The following LRPPRC variants were observed in gnomAD, a reference collection of about 807,000 sequenced individuals.
LRPPRC encodes leucine-rich PPR motif-containing protein, mitochondrial.
A neutral mutation model predicts 180.3 loss-of-function variants in LRPPRC; 120 were observed. The observed-to-expected ratio is 0.67, with a 90% CI of 0.57 to 0.77. LRPPRC has a LOEUF of 0.77. Among genes scored for constraint, LRPPRC ranks in the 30% least tolerant of loss-of-function variants. The probability of loss-of-function intolerance (pLI) is 0.00; values close to 1 mark genes in which losing one functional copy is unlikely to be tolerated. For synonymous variants in LRPPRC, 723 were observed against 600.0 expected, an observed-to-expected ratio of 1.21 and a Z score of -3.00; for missense variants, 2,012 against 1,657.2, an observed-to-expected ratio of 1.21 and a Z score of -3.72.
At chr2:43,939,542 C>G (rs1216132777) in intron 23 of LRPPRC, among the ~76,000 whole-genome samples, 2 of 152,132 alleles carry the variant, frequency 1.3e-5, no homozygotes, top group South Asian at 4.1e-4. Context: ...TAAAAACAAA[C>G]TATCTTACAA....
At chr2:43,967,464 G>A (rs1346113357) in intron 11 of LRPPRC, among the ~76,000 whole-genome samples, 4 of 152,142 alleles carry the variant, frequency 2.6e-5, no homozygotes, top group Non-Finnish European at 5.9e-5. Flanking sequence ...AGTTGGCTGG[G>A]AAGAATAAAT....
At chr2:43,916,201 G>A (rs4953035) in intron 29 of LRPPRC, among the ~76,000 whole-genome samples, 95,420 of 152,136 alleles carry the variant, frequency 0.63, 31,823 homozygotes, top group East Asian at 0.96. Context: ...AAACTATCAT[G>A]AACCATCCTT....
At chr2:43,955,035 C>T (rs969831269) in intron 14 of LRPPRC, among the ~76,000 whole-genome samples, 2 of 152,100 alleles carry the variant, frequency 1.3e-5, no homozygotes, top group African/African-American at 2.4e-5. Context: ...TTGGCTTCCA[C>T]GATACGGGTT....
At chr2:43,946,280 G>A in intron 20 of LRPPRC, 37 bp from the exon 21 acceptor site, 4 of 1,567,862 alleles carry the variant, frequency 2.6e-6, no homozygotes, top group Non-Finnish European at 3.5e-6. Flanking sequence ...GAAGAAATCA[G>A]TGTGAAGGTA....
At chr2:43,901,666 T>C in intron 31 of LRPPRC, 142 bp from the exon 32 acceptor site, 2 of 663,004 alleles carry the variant, frequency 3.0e-6, no homozygotes, top group East Asian at 2.7e-5. Flanking sequence ...TACAGAAAAT[T>C]ATTAATACTT....
intron 1 of LRPPRC, among the ~76,000 whole-genome samples, chr2:43,994,666 T>G (rs1674941039): frequency 1.3e-5 from 2 of 152,176 alleles, no homozygotes; most frequent in South Asian, 4.1e-4. Flanking sequence ...CAAAGTACCT[T>G]AATTTACAAG....
In LRPPRC at chr2:43,905,836, A is replaced by C. The variant is rs1276669946; in HGVS notation, c.3276-56T>G. 5 of 1,086,674 alleles carry C rather than the reference A, an allele frequency of 4.6e-6. No individual in the cohort carries two copies. In the African/African-American group the frequency reaches 4.6e-5, roughly 10 times the overall value. The allele number at this position is 1,086,674 out of a possible 1,614,324, so 67.3% of individuals were successfully genotyped here. ...ACTGACATGCTTCTGATACGATAAT[A>C]AATGGTTGAGCACCAAGGTGAAATT... On this transcript the variant is annotated intron_variant, in intron 30 of 37. Coordinates refer to ENST00000260665, the MANE Select transcript of LRPPRC (RefSeq NM_133259.4).
chr2:43,943,792 C>T lies in LRPPRC; in HGVS notation c.2399G>A (p.Gly800Asp). The part of the protein sequence containing the change: ...FHMLNGAALR[G>D]EIETVKQLHE... ...CAACTGTTTTACTGTTTCAATTTCA[C>T]CTCTTAAAGCTGCGCCATTTAGCAT... Residue 800 changes from glycine to aspartate, a missense_variant, in exon 23 of 38, where the codon GGT becomes GAT. Gly to Asp is a moderately conservative substitution (Grantham distance 94, BLOSUM62 -1). Coordinates refer to ENST00000260665, the MANE Select transcript of LRPPRC (RefSeq NM_133259.4). 6.2e-7 allele frequency: 1 copy of T among 1,613,488 alleles called. No individual in the cohort carries two copies. The highest frequency in any genetic ancestry group is 8.5e-7 in the Non-Finnish European group (1 of 1,179,482).
At position 43,936,059 on chromosome 2, in the gene LRPPRC, G is replaced by C. The variant is rs530306969; in HGVS notation, c.2505-1181C>G. Among the ~76,000 whole-genome samples the C allele has an allele frequency of 3.3e-5, 5 of 152,140 alleles. No individual in the cohort carries two copies. In the South Asian group the frequency reaches 1.0e-3, roughly 32 times the overall value. ...GATCGTGCCATTGCACTCCAGCCTG[G>C]GCAACAAAAGTGAAACTCTGTTTCA... is the stretch of plus-strand genomic sequence containing the variant. On this transcript the variant is annotated intron_variant, in intron 23 of 37. Transcript: ENST00000260665.
Position 43,894,742 on chromosome 2 carries a change from C to G in LRPPRC, c.3901-113G>C, listed in dbSNP as rs1343866299. The G allele has an allele frequency of 3.2e-5, 22 of 690,516 alleles. No individual in the cohort carries two copies. In the East Asian group the frequency reaches 5.4e-4, roughly 17 times the overall value. 42.8% of individuals were successfully genotyped at this position (690,516 alleles called of 1,614,324 possible). ...TTCACAATAATTATAACAGAACTAC[C>G]TATTAAATTTAATGCACTATTGTCC... On this transcript the variant is annotated intron_variant, in intron 35 of 37. Coordinates refer to ENST00000260665, the MANE Select transcript of LRPPRC (RefSeq NM_133259.4).
chr2:43,990,678 A>C (rs1047740561), intron 1 of LRPPRC, among the ~76,000 whole-genome samples: 2 of 152,158 alleles, frequency 1.3e-5, no homozygotes, highest in African/African-American at 4.8e-5. Flanking sequence ...AACAAATGGC[A>C]CTGCTCCTCT....
intron 29 of LRPPRC, among the ~76,000 whole-genome samples, chr2:43,915,468 G>A (rs574411200): frequency 2.0e-4 from 30 of 152,110 alleles, no homozygotes; most frequent in Admixed American, 5.9e-4. Flanking sequence ...GGCAGATCAC[G>A]AAGTCAGGAA....
intron 11 of LRPPRC, among the ~76,000 whole-genome samples, chr2:43,966,015 ATT>A (rs1466677872): frequency 6.6e-6 from 1 of 152,212 alleles, no homozygotes; most frequent in Non-Finnish European, 1.5e-5. Context: ...TTGAAGAAAC[ATT>A]TGTTCATCCC....
At chr2:43,995,480 C>T (rs1675001628) in intron 1 of LRPPRC, among the ~76,000 whole-genome samples, 1 of 152,258 alleles carries the variant, frequency 6.6e-6, no homozygotes, top group Admixed American at 6.5e-5. Flanking sequence ...CACCACCCGA[C>T]TTCCCAAAGC....
intron 27 of LRPPRC, among the ~76,000 whole-genome samples, chr2:43,923,863 G>A (rs191191194): frequency 3.3e-5 from 5 of 152,276 alleles, no homozygotes; most frequent in Admixed American, 3.3e-4. Context: ...AGTAGGTAGA[G>A]TGGAATGTTA....
At chr2:43,943,206 A>C (rs1367169473) in intron 23 of LRPPRC, among the ~76,000 whole-genome samples, 1 of 152,088 alleles carries the variant, frequency 6.6e-6, no homozygotes, top group African/African-American at 2.4e-5. Context: ...TAACAAACTC[A>C]GTAAATCTTG....
chr2:43,987,491 CA>C (rs34151335), intron 1 of LRPPRC, among the ~76,000 whole-genome samples: 75 of 75,914 alleles, frequency 9.9e-4, no homozygotes, highest in East Asian at 5.1e-3. Flanking sequence ...CCAGACTCCT[CA>C]AAAAAAAAAA....
intron 14 of LRPPRC, among the ~76,000 whole-genome samples, chr2:43,953,919 C>G (rs991511082): frequency 6.6e-6 from 1 of 152,148 alleles, no homozygotes; most frequent in African/African-American, 2.4e-5. Flanking sequence ...CCTGTAATCC[C>G]AGCACTTTGG....
chr2:43,947,594 A>T lies in LRPPRC; in HGVS notation c.1965+137T>A, dbSNP rs75704741. On this transcript the variant is annotated intron_variant, in intron 19 of 37. Transcript: ENST00000260665. ...TATGTTGATTTTTCTGAGGTGGGGAACAGGTTTTACCAACTTCTTAGAGGT... is the reference window on the plus strand; with the variant it reads ...TATGTTGATTTTTCTGAGGTGGGGATCAGGTTTTACCAACTTCTTAGAGGT... 2.3e-3 allele frequency: 1,593 copies of T among 682,052 alleles called. 39 individuals carry two copies. The East Asian group carries it at 0.035, about 15-fold the overall frequency. The allele number at this position is 682,052 out of a possible 1,614,324, so 42.3% of individuals were successfully genotyped here.
Sources: gnomAD v4.1 joint callset for allele counts (sites outside exome capture counted in the v4.1 genomes callset) on GRCh38, gnomAD v4.1.1 for gene constraint, MANE v1.5 for transcripts, NCBI Gene and HGNC (gene_info 2026-07-23, HGNC 2026-07-21) for gene names.